Variants in MACROH2A2 observed in about 807,000 individuals in gnomAD.
The protein encoded by MACROH2A2 is core histone macro-H2A.2.
Under a neutral mutation model 37.6 loss-of-function variants are expected in MACROH2A2, and 6 were observed. That is an observed-to-expected ratio of 0.16 (90% CI 0.09 to 0.32). MACROH2A2 has a LOEUF of 0.32. MACROH2A2 is among the 10% of genes least tolerant of loss of function. The probability of loss-of-function intolerance (pLI) is 1.00; values close to 1 mark genes in which losing one functional copy is unlikely to be tolerated. For missense variants in MACROH2A2, 290 were observed against 485.9 expected (o/e 0.60, Z 3.79); for synonymous variants, 192 against 202.7 (o/e 0.95, Z 0.45).
intron 2 of MACROH2A2, among the ~76,000 whole-genome samples, chr10:70,080,822 T>G (rs2072171342): frequency 7.3e-6 from 1 of 136,530 alleles, no homozygotes; most frequent in Admixed American, 8.4e-5. Flanking sequence ...GAGGTGGAGG[T>G]TGCAGTGAGC....
intron 2 of MACROH2A2, among the ~76,000 whole-genome samples, chr10:70,083,334 T>C (rs111502657): frequency 0.027 from 4,101 of 152,268 alleles, 71 homozygotes; most frequent in South Asian, 0.041. Flanking sequence ...AACTCTTAAG[T>C]GACAGTATTC....
chr10:70,110,740 AT>A (rs1491166974), intron 8 of MACROH2A2, among the ~76,000 whole-genome samples: 1 of 146,034 alleles, frequency 6.8e-6, no homozygotes, highest in Non-Finnish European at 1.5e-5. Context: ...AAAAAAAAAA[AT>A]TTTTTTATAG....
chr10:70,055,169 G>C (rs963753741), intron 1 of MACROH2A2, among the ~76,000 whole-genome samples: 3 of 152,196 alleles, frequency 2.0e-5, no homozygotes, highest in African/African-American at 7.2e-5. Context: ...CCTGCCAGCA[G>C]AACAGGAGGT....
chr10:70,076,865 T>A (rs2072142692), intron 2 of MACROH2A2, among the ~76,000 whole-genome samples: 1 of 152,180 alleles, frequency 6.6e-6, no homozygotes, highest in African/African-American at 2.4e-5. Flanking sequence ...TGCTCAGTCC[T>A]GCCCTGCCCT....
intron 7 of MACROH2A2, among the ~76,000 whole-genome samples, chr10:70,105,666 C>T (rs532400543): frequency 4.8e-5 from 7 of 146,058 alleles, no homozygotes; most frequent in Non-Finnish European, 8.9e-5. Context: ...CTCCAGCAAC[C>T]GTGTGGAGGA....
intron 5 of MACROH2A2, 70 bp from the exon 6 acceptor site, chr10:70,095,584 A>G: frequency 1.3e-6 from 1 of 786,878 alleles, no homozygotes; most frequent in Non-Finnish European, 2.3e-6. Context: ...TAATGAATGC[A>G]AGTAAAATAT....
chr10:70,068,242 TTGG>T (rs1170614573), intron 1 of MACROH2A2, among the ~76,000 whole-genome samples: 4 of 152,198 alleles, frequency 2.6e-5, no homozygotes, highest in African/African-American at 9.7e-5. Flanking sequence ...TTTAAGCTTG[TTGG>T]TGGTGGGCCC....
At chr10:70,055,870 C>T (rs1410074857) in intron 1 of MACROH2A2, among the ~76,000 whole-genome samples, 1 of 152,112 alleles carries the variant, frequency 6.6e-6, no homozygotes, top group African/African-American at 2.4e-5. Context: ...AAGTAGAAAA[C>T]AGCCTAACAG....
In MACROH2A2 at chr10:70,075,743, A is replaced by T; in HGVS notation, c.85A>T (p.Met29Leu). Residue 29 changes from methionine (M) to leucine (L), a missense_variant, in exon 2 of 9, where the codon ATG becomes TTG. Transcript: ENST00000373255. This position sits in a 1 kb window ranked among gnomAD's most constrained non-coding sequence, Gnocchi z 5.0. ...AGVIFPVGRL[M>L]RYLKKGTFKY... The stretch of plus-strand genomic sequence containing the variant: ...TGTCATCTTTCCAGTGGGGAGGCTG[A>T]TGCGTTATCTGAAGAAAGGGACGTT... 1.2e-6 allele frequency: 2 copies of T among 1,614,114 alleles called. No homozygotes were observed. The highest frequency in any genetic ancestry group is 1.7e-6 in the Non-Finnish European group (2 of 1,179,982).
chr10:70,111,329 C>T (rs1453583632), intron 8 of MACROH2A2, among the ~76,000 whole-genome samples, 189 bp from the exon 9 acceptor site: 1 of 152,068 alleles, frequency 6.6e-6, no homozygotes, highest in Non-Finnish European at 1.5e-5. Flanking sequence ...CAGTGTGACA[C>T]CTATAAAGTG....
At chr10:70,062,815 T>C (rs1393014818) in intron 1 of MACROH2A2, among the ~76,000 whole-genome samples, 1 of 152,122 alleles carries the variant, frequency 6.6e-6, no homozygotes, top group Non-Finnish European at 1.5e-5. Flanking sequence ...CACCCATAAG[T>C]GGAAGCTAAA....
chr10:70,093,472 A>G (rs761072448), intron 4 of MACROH2A2, among the ~76,000 whole-genome samples: 9 of 152,208 alleles, frequency 5.9e-5, no homozygotes, highest in Non-Finnish European at 7.3e-5. Flanking sequence ...GAGCAAGGAC[A>G]ATGTGCTGGT....
chr10:70,060,939 G>A (rs1215775258), intron 1 of MACROH2A2, among the ~76,000 whole-genome samples: 9 of 150,242 alleles, frequency 6.0e-5, no homozygotes, highest in Non-Finnish European at 1.0e-4. Context: ...AGCTGATTGG[G>A]CCACTGCACT....
At chr10:70,070,609 A>G (rs1252055196) in intron 1 of MACROH2A2, among the ~76,000 whole-genome samples, 2 of 152,138 alleles carry the variant, frequency 1.3e-5, no homozygotes, top group African/African-American at 4.8e-5. Flanking sequence ...CTTTTGCCTC[A>G]GCCTCCAGAG....
chr10:70,060,993 A>C (rs59179510), intron 1 of MACROH2A2, among the ~76,000 whole-genome samples: 1 of 152,206 alleles, frequency 6.6e-6, no homozygotes, highest in East Asian at 1.9e-4. Context: ...AAAAAAAAGA[A>C]AAAAGAAATA....
chr10:70,105,693 G>C (rs2072333494), intron 7 of MACROH2A2, among the ~76,000 whole-genome samples: 1 of 151,998 alleles, frequency 6.6e-6, no homozygotes, highest in Non-Finnish European at 1.5e-5. Context: ...GGCAGACAGA[G>C]GGCTGGGGCC....
chr10:70,084,571 A>G (rs571401884), intron 2 of MACROH2A2, among the ~76,000 whole-genome samples: 1 of 152,262 alleles, frequency 6.6e-6, no homozygotes, highest in African/African-American at 2.4e-5. Flanking sequence ...CCGTCTCTAA[A>G]TATAAAAAAG....
In MACROH2A2 at chr10:70,075,668, C is replaced by A. The variant is rs150547609; in HGVS notation, c.10C>A (p.Arg4=). 1 of 1,613,856 alleles carries A rather than the reference C, an allele frequency of 6.2e-7. No individual in the cohort carries two copies. Among genetic ancestry groups the A allele is most frequent in the Non-Finnish European group, 8.5e-7 (1 of 1,179,954 alleles). ...GGGAAACTGAAGCAAGATGTCGGGC[C>A]GGAGTGGGAAGAAGAAAATGTCCAA... MSG[R]SGKKKMSKLS... is the part of the protein sequence containing the mutation. Residue 4 remains arginine (R), a synonymous_variant, in exon 2 of 9, where the codon CGG becomes AGG. Transcript: ENST00000373255. The surrounding 1 kb of genome is among the most constrained non-coding windows in gnomAD (Gnocchi z 5.0).
Position 70,073,661 on chromosome 10 carries a change from G to A in MACROH2A2, c.-59-1939G>A, listed in dbSNP as rs570751391. Among the ~76,000 whole-genome samples the A allele has an allele frequency of 2.6e-5, 4 of 152,294 alleles. 1 individual carries two copies. The East Asian group carries it at 7.7e-4, about 29-fold the overall frequency. The stretch of plus-strand genomic sequence containing the variant: ...TCGGGGACAGGTGAGAGTTGAGAAA[G>A]GGCTTTGTTGCTAATTTCAGAGCTT... On this transcript the variant is annotated intron_variant, in intron 1 of 8. Coordinates refer to ENST00000373255, the MANE Select transcript of MACROH2A2 (RefSeq NM_018649.3).
Sources: allele counts gnomAD v4.1 joint callset (sites outside exome capture counted in the v4.1 genomes callset), GRCh38; gene constraint gnomAD v4.1.1; non-coding constraint Gnocchi (gnomAD v3.1); transcripts MANE v1.5; gene names NCBI Gene and HGNC (gene_info 2026-07-23, HGNC 2026-07-21).